The following NXPE1 variants were observed in gnomAD, a reference collection of about 807,000 sequenced individuals.
The protein encoded by NXPE1 is NXPE family member 1.
A neutral mutation model predicts 33.3 loss-of-function variants in NXPE1; 31 were observed. The observed-to-expected ratio is 0.93, with a 90% CI of 0.70 to 1.26. The LOEUF (loss-of-function observed/expected upper bound fraction) is 1.26, where lower values mean the gene tolerates loss of function less well. Among genes scored for constraint, NXPE1 ranks in the 50% most tolerant of loss-of-function variants. The probability of loss-of-function intolerance (pLI) is 0.00; values close to 1 mark genes in which losing one functional copy is unlikely to be tolerated. For synonymous variants in NXPE1, 229 were observed against 231.4 expected (o/e 0.99, Z 0.09); for missense variants, 661 against 655.6 (o/e 1.01, Z -0.09).
intron 5 of NXPE1, among the ~76,000 whole-genome samples, chr11:114,539,678 T>C (rs1948008679): frequency 6.6e-6 from 1 of 152,154 alleles, no homozygotes; most frequent in Non-Finnish European, 1.5e-5. Flanking sequence ...TTTTAGGGAA[T>C]ATAATCATTT....
chr11:114,541,523 C>T (rs1289008258), intron 5 of NXPE1, among the ~76,000 whole-genome samples: 1 of 152,208 alleles, frequency 6.6e-6, no homozygotes, highest in Non-Finnish European at 1.5e-5. Context: ...ACACGTGACA[C>T]AGCCGTCAGG....
intron 5 of NXPE1, among the ~76,000 whole-genome samples, chr11:114,546,763 T>C (rs542747308): frequency 3.1e-4 from 47 of 152,226 alleles, no homozygotes; most frequent in African/African-American, 1.1e-3. Context: ...GGGCAGGGAA[T>C]ATACAAGATG....
At chr11:114,551,303 C>T in intron 4 of NXPE1, 80 bp downstream of exon 4, 1 of 1,358,790 alleles carries the variant, frequency 7.4e-7, no homozygotes, top group South Asian at 1.5e-5. Context: ...TTGCCTCCAA[C>T]ATTTTGTTCT....
intron 5 of NXPE1, among the ~76,000 whole-genome samples, chr11:114,532,685 C>A (rs546852253): frequency 2.6e-5 from 4 of 152,022 alleles, no homozygotes; most frequent in Admixed American, 2.6e-4. Flanking sequence ...ATGGAGATGA[C>A]TTTTAAATTC....
At chr11:114,534,134 C>T (rs953402856) in intron 5 of NXPE1, among the ~76,000 whole-genome samples, 4 of 152,142 alleles carry the variant, frequency 2.6e-5, no homozygotes, top group South Asian at 2.1e-4. Context: ...AACCAATATC[C>T]GCTGTTCTGC....
At chr11:114,522,464 T>G in exon 9 of NXPE1, 5 of 1,609,682 alleles carry the variant, frequency 3.1e-6, no homozygotes, top group Non-Finnish European at 4.2e-6. Context: ...CAAATGTTTC[T>G]TAAAGATTCC....
chr11:114,532,292 T>A (rs949918030), intron 5 of NXPE1, among the ~76,000 whole-genome samples: 1 of 152,286 alleles, frequency 6.6e-6, no homozygotes, highest in East Asian at 1.9e-4. Context: ...AGACAAATCA[T>A]TGGCAATGCC....
At chr11:114,524,971 T>C (rs1169571724) in intron 7 of NXPE1, among the ~76,000 whole-genome samples, 1 of 152,158 alleles carries the variant, frequency 6.6e-6, no homozygotes, top group Non-Finnish European at 1.5e-5. Context: ...CTAGTGTTTC[T>C]TGTATAACAG....
chr11:114,534,620 G>A (rs1322949348), intron 5 of NXPE1, among the ~76,000 whole-genome samples: 2 of 152,182 alleles, frequency 1.3e-5, no homozygotes, highest in East Asian at 1.9e-4. Context: ...ACCACAGCAC[G>A]AGAGCTACGT....
chr11:114,532,100 G>A (rs1167975854), intron 5 of NXPE1, among the ~76,000 whole-genome samples: 1 of 152,058 alleles, frequency 6.6e-6, no homozygotes, highest in Non-Finnish European at 1.5e-5. Flanking sequence ...CACATATAAA[G>A]CTTTGAAAAA....
chr11:114,528,017 T>C (rs1947433448), intron 6 of NXPE1, 116 bp from the exon 7 acceptor site: 1 of 659,814 alleles, frequency 1.5e-6, no homozygotes, highest in Admixed American at 3.0e-5. Context: ...GAAGCTGTTA[T>C]TATTGTTGTA....
At chr11:114,552,601 A>G (rs563207053) in intron 2 of NXPE1, among the ~76,000 whole-genome samples, 2 of 152,210 alleles carry the variant, frequency 1.3e-5, no homozygotes, top group South Asian at 4.2e-4. Context: ...GAAATCAATC[A>G]AGGGGCTACT....
intron 1 of NXPE1, among the ~76,000 whole-genome samples, chr11:114,558,652 A>G (rs1339926282): frequency 6.6e-6 from 1 of 152,200 alleles, no homozygotes; most frequent in Non-Finnish European, 1.5e-5. Flanking sequence ...AAGCTAAACA[A>G]TCCTCCTGTT....
intron 5 of NXPE1, among the ~76,000 whole-genome samples, chr11:114,544,578 T>C (rs1279459293): frequency 6.6e-6 from 1 of 152,150 alleles, no homozygotes; most frequent in Admixed American, 6.5e-5. Context: ...AAGTTAACTC[T>C]AAATGGATGA....
downstream of NXPE1, among the ~76,000 whole-genome samples, chr11:114,520,761 C>T (rs911872534): frequency 6.6e-6 from 1 of 151,936 alleles, no homozygotes; most frequent in Non-Finnish European, 1.5e-5. Context: ...AAAATATTAC[C>T]ATCTCCTCAT....
At chr11:114,530,636 C>T (rs1445060496) in exon 6 of NXPE1, 3 of 1,614,178 alleles carry the variant, frequency 1.9e-6, no homozygotes, top group Non-Finnish European at 2.5e-6. Context: ...AGTGGTCCCT[C>T]ACCTCCAGTA....
chr11:114,530,346 C>T (rs763410752), exon 6 of NXPE1: 21 of 1,614,060 alleles, frequency 1.3e-5, no homozygotes, highest in African/African-American at 5.3e-5. Flanking sequence ...TAGGGTCAGG[C>T]CACATTCAGT....
intron 7 of NXPE1, among the ~76,000 whole-genome samples, chr11:114,525,498 T>C (rs2134918521): frequency 6.6e-6 from 1 of 152,236 alleles, no homozygotes; most frequent in Admixed American, 6.5e-5. Context: ...AGGGATGGGC[T>C]TCAGAGTCTC....
chr11:114,537,590 A>G (rs542509179), intron 5 of NXPE1, among the ~76,000 whole-genome samples: 5 of 152,226 alleles, frequency 3.3e-5, no homozygotes, highest in Non-Finnish European at 7.3e-5. Flanking sequence ...AAGTCTCAGG[A>G]TACAAAATCA....
Sources: gnomAD v4.1 joint callset for allele counts (sites outside exome capture counted in the v4.1 genomes callset) on GRCh38, gnomAD v4.1.1 for gene constraint, MANE v1.5 for transcripts, NCBI Gene and HGNC (gene_info 2026-07-23, HGNC 2026-07-21) for gene names.